The following MAP2 variants were observed in gnomAD, a reference collection of about 807,000 sequenced individuals.
MAP2 encodes microtubule associated protein 2.
A neutral mutation model predicts 137.6 loss-of-function variants in MAP2; 14 were observed. That is an observed-to-expected ratio of 0.10 (90% confidence interval 0.07 to 0.16). MAP2 has a LOEUF of 0.16. Ranked by LOEUF, MAP2 falls within the 10% of genes least tolerant of loss-of-function variation. MAP2 has a pLI of 1.00. For missense variants in MAP2, 2,088 were observed against 2,191.5 expected, an observed-to-expected ratio of 0.95 and a Z score of 0.94; for synonymous variants, 786 against 782.3, an observed-to-expected ratio of 1.00 and a Z score of -0.08.
chr2:209,488,272 A>G (rs2058642389), intron 1 of MAP2, among the ~76,000 whole-genome samples: 1 of 152,164 alleles, frequency 6.6e-6, no homozygotes, highest in African/African-American at 2.4e-5. Flanking sequence ...CGCTTTTCCC[A>G]TGGTCTTCAC....
At chr2:209,432,585 G>A (rs1010232063) in intron 1 of MAP2, among the ~76,000 whole-genome samples, 2 of 152,166 alleles carry the variant, frequency 1.3e-5, no homozygotes, top group African/African-American at 4.8e-5. Context: ...TATCAGGAGA[G>A]TGAAATAATT....
In MAP2 at chr2:209,695,325, A is replaced by T; in HGVS notation, c.3155A>T (p.Asp1052Val). The T allele has an allele frequency of 6.2e-7, 1 of 1,614,030 alleles. No individual in the cohort carries two copies. Among genetic ancestry groups the T allele is most frequent in the Non-Finnish European group, 8.5e-7 (1 of 1,179,992 alleles). ...VQGQLDVKIS[D>V]FGQMASGLNI... ...GGTCAACTAGATGTTAAAATTAGTG[A>T]CTTTGGACAGATGGCTTCAGGGCTA... The change falls in exon 8 of 16, where the codon GAC becomes GTC. Residue 1052 changes from aspartate (D) to valine (V), a missense_variant. Physicochemically the swap from Asp to Val is radical, Grantham distance 152. Transcript: ENST00000682079.
chr2:209,682,198 C>T (rs1225178420), intron 7 of MAP2, among the ~76,000 whole-genome samples: 7 of 152,106 alleles, frequency 4.6e-5, no homozygotes, highest in Non-Finnish European at 1.0e-4. Context: ...ACAAAACAGA[C>T]ATGATCCCTG....
At chr2:209,644,038 A>G (rs534205945) in intron 4 of MAP2, among the ~76,000 whole-genome samples, 65 of 152,290 alleles carry the variant, frequency 4.3e-4, no homozygotes, top group Middle Eastern at 3.4e-3. Flanking sequence ...TCAAATGTCA[A>G]TGTATCAGAG....
chr2:209,615,601 A>T (rs556494250), intron 3 of MAP2, among the ~76,000 whole-genome samples: 1 of 152,210 alleles, frequency 6.6e-6, no homozygotes, highest in African/African-American at 2.4e-5. Flanking sequence ...CAATGACTCT[A>T]TAGGGGAAGT....
At chr2:209,474,347 A>T (rs548985177) in intron 1 of MAP2, among the ~76,000 whole-genome samples, 1 of 152,224 alleles carries the variant, frequency 6.6e-6, no homozygotes, top group African/African-American at 2.4e-5. Context: ...TTTCTTAGAT[A>T]GTGAAAGTTA....
rs144780312 is a variant in MAP2, at chr2:209,693,155, A to G, written c.985A>G (p.Met329Val). Residue 329 changes from methionine to valine, a missense_variant, in exon 8 of 16, where the codon ATG becomes GTG. By Grantham distance (21) the Met-to-Val change is conservative. Transcript: ENST00000682079. ...AAGCTTCACTCTTCCTTTAGATGTCATGAAGAATGAAATAGTTACAGAAAC... is the reference window on the plus strand; with the variant it reads ...AAGCTTCACTCTTCCTTTAGATGTCGTGAAGAATGAAATAGTTACAGAAAC... ...GGSFTLPLDV[M>V]KNEIVTETSP... 2,328 of 1,610,594 alleles carry G rather than the reference A, an allele frequency of 1.4e-3. 2 individuals carry two copies. The highest frequency in any genetic ancestry group is 1.8e-3 in the Non-Finnish European group (2,137 of 1,178,934).
At position 209,484,562 on chromosome 2, in the gene MAP2, C is replaced by T. The variant is rs368710060; in HGVS notation, c.-221-23030C>T. Among the ~76,000 whole-genome samples, 13 of 152,168 alleles carry T rather than the reference C, an allele frequency of 8.5e-5. 1 individual carries two copies. The South Asian group carries it at 1.0e-3, about 12-fold the overall frequency. ...AACATTAGTCTGGCGTGGTTGCAGG[C>T]GCCTGTATTCCCAGCTACTCGGGAG... On this transcript the variant is annotated intron_variant, in intron 1 of 15. Transcript: ENST00000682079.
chr2:209,648,663 C>T (rs1229194921), intron 4 of MAP2, among the ~76,000 whole-genome samples: 1 of 147,498 alleles, frequency 6.8e-6, no homozygotes, highest in Non-Finnish European at 1.5e-5. Flanking sequence ...TTGGCGGGCA[C>T]CTGTAATCCC....
intron 4 of MAP2, among the ~76,000 whole-genome samples, chr2:209,649,419 A>G (rs2094630992): frequency 6.6e-6 from 1 of 152,166 alleles, no homozygotes; most frequent in Non-Finnish European, 1.5e-5. Flanking sequence ...GGTACTTTTA[A>G]CTATGTTGAA....
chr2:209,713,537 A>G (rs963755723), intron 13 of MAP2, among the ~76,000 whole-genome samples: 1 of 152,210 alleles, frequency 6.6e-6, no homozygotes, highest in Admixed American at 6.5e-5. Context: ...TTCAGTGTAG[A>G]TAATTAGCTT....
chr2:209,568,145 TTG>T lies in MAP2; in HGVS notation c.-171-11890_-171-11889del, dbSNP rs1178342830. Among the ~76,000 whole-genome samples, 6 of 151,972 alleles carry T rather than the reference TTG, an allele frequency of 3.9e-5. No homozygotes were observed. In the East Asian group the frequency reaches 1.2e-3, roughly 29 times the overall value. On this transcript the variant is annotated intron_variant, in intron 2 of 15. Transcript: ENST00000682079. ...CTCTCTTCTCATCTCTATTGTAACC[TTG>T]GTACAAGGACTAGAGGAAGAGGAGA...
chr2:209,720,209 A>G (rs2069713908), intron 13 of MAP2, among the ~76,000 whole-genome samples: 1 of 152,196 alleles, frequency 6.6e-6, no homozygotes, highest in Non-Finnish European at 1.5e-5. Flanking sequence ...GGAATTTTGA[A>G]TAGGGGAGAG....
At chr2:209,609,000 C>T (rs1559401700) in intron 3 of MAP2, among the ~76,000 whole-genome samples, 1 of 152,106 alleles carries the variant, frequency 6.6e-6, no homozygotes, top group Middle Eastern at 3.4e-3. Flanking sequence ...TTCACATAGT[C>T]CCTGACACAT....
intron 3 of MAP2, among the ~76,000 whole-genome samples, chr2:209,616,262 G>A (rs1248988978): frequency 6.6e-6 from 1 of 152,208 alleles, no homozygotes; most frequent in East Asian, 1.9e-4. Flanking sequence ...AGCTTGCAAA[G>A]TGATCAAGAA....
In MAP2 at chr2:209,574,300, C is replaced by T. The variant is rs2074937197; in HGVS notation, c.-171-5736C>T. ...TATTATTATTGTTATTTATATCTCA[C>T]AAATAAGTGAGATCATGCAATGTTT... is the stretch of plus-strand genomic sequence containing the variant. On this transcript the variant is annotated intron_variant, in intron 2 of 15. Transcript: ENST00000682079. Among the ~76,000 whole-genome samples the T allele has an allele frequency of 2.0e-5, 3 of 152,108 alleles. No individual in the cohort carries two copies. The South Asian group carries it at 6.2e-4, about 32-fold the overall frequency.
At chr2:209,680,714 T>C in intron 6 of MAP2, 36 bp from the exon 7 acceptor site, 1 of 1,555,778 alleles carries the variant, frequency 6.4e-7, no homozygotes, top group Non-Finnish European at 8.9e-7. Context: ...AAAGGATTAA[T>C]TATTGCATCT....
intron 4 of MAP2, among the ~76,000 whole-genome samples, chr2:209,625,903 T>A (rs897379075): frequency 1.3e-5 from 2 of 152,180 alleles, no homozygotes; most frequent in African/African-American, 4.8e-5. Flanking sequence ...ATTTTACATC[T>A]TTCTTTAAAC....
rs1481600947 is a variant in MAP2 at position 209,696,654 on chromosome 2, T to C, written c.4293T>C (p.Phe1431=). Residue 1431 remains phenylalanine, a synonymous_variant, in exon 9 of 16, where the codon TTT becomes TTC. Coordinates refer to ENST00000682079, the MANE Select transcript of MAP2 (RefSeq NM_001375505.1). ...SLEKHRKEKP[F]KTGRGRISTP... ...AGAAACATAGAAAAGAAAAGCCTTT[T>C]AAAACCGGGAGAGGCAGAATTTCCA... 1.1e-5 allele frequency: 18 copies of C among 1,613,790 alleles called. No individual in the cohort carries two copies. The highest frequency in any genetic ancestry group is 4.0e-5 in the African/African-American group (3 of 74,884).
Sources: allele counts gnomAD v4.1 joint callset (sites outside exome capture counted in the v4.1 genomes callset), GRCh38; gene constraint gnomAD v4.1.1; transcripts MANE v1.5; gene names NCBI Gene and HGNC (gene_info 2026-07-23, HGNC 2026-07-21).